The following JAKMIP3 variants were observed in gnomAD, a reference collection of about 807,000 sequenced individuals.
The protein encoded by JAKMIP3 is Janus kinase and microtubule interacting protein 3, also known as janus kinase and microtubule-interacting protein 3.
A neutral mutation model predicts 118.5 loss-of-function variants in JAKMIP3; 58 were observed. The ratio of observed to expected loss-of-function variants is 0.49; its 90% CI spans 0.40 to 0.61. The LOEUF (loss-of-function observed/expected upper bound fraction) is 0.61, where lower values mean the gene tolerates loss of function less well. JAKMIP3 is among the 20% of genes least tolerant of loss of function. The pLI, the probability that JAKMIP3 is intolerant of heterozygous loss-of-function variation, is 0.00. For synonymous variants in JAKMIP3, 486 were observed against 451.2 expected (o/e 1.08, Z -0.98); for missense variants, 950 against 1,109.0 (o/e 0.86, Z 2.04).
At chr10:132,171,468 A>C (rs1331919732) in intron 23 of JAKMIP3, among the ~76,000 whole-genome samples, 1 of 152,198 alleles carries the variant, frequency 6.6e-6, no homozygotes, top group African/African-American at 2.4e-5. Context: ...ATTTTTGCCC[A>C]GTAAATGAGA....
At chr10:132,075,919 G>C (rs1488334714) in intron 1 of JAKMIP3, among the ~76,000 whole-genome samples, 2 of 123,468 alleles carry the variant, frequency 1.6e-5, no homozygotes, top group African/African-American at 6.2e-5. Context: ...AGTTTTTGTA[G>C]TGTAGGTCTG....
chr10:132,180,738 C>CGT (rs1196753837), intron 23 of JAKMIP3, among the ~76,000 whole-genome samples: 84 of 7,462 alleles, frequency 0.011, 15 homozygotes, highest in Middle Eastern at 0.12. Flanking sequence ...TGCGTGTGTG[C>CGT]GTGCGTGCGC....
At position 132,135,125 on chromosome 10, in the gene JAKMIP3, CGCAAT is replaced by C; in HGVS notation, c.938_942del (p.Asn313IlefsTer8). 6.2e-7 allele frequency: 1 copy of C among 1,612,676 alleles called. No homozygotes were observed. Among genetic ancestry groups the C allele is most frequent in the South Asian group, 1.1e-5 (1 of 91,050 alleles). On this transcript the variant is annotated frameshift_variant, in exon 5 of 24. Transcript: ENST00000684848. Reference sequence around the variant, plus strand: ...TGCGATTATCCGCAAACTGGAGGACCGCAATGCATTGCTGTCGGAAGAGAGGAATG... The same window carrying C: ...TGCGATTATCCGCAAACTGGAGGACCGCATTGCTGTCGGAAGAGAGGAATG...
chr10:132,148,471 CCCGTCCT>C (rs1564963345), intron 14 of JAKMIP3, among the ~76,000 whole-genome samples: 4 of 95,972 alleles, frequency 4.2e-5, no homozygotes, highest in African/African-American at 6.4e-5. Flanking sequence ...CCTCCATCCG[CCCGTCCT>C]CCATCCACCC....
At chr10:132,174,343 G>T (rs1407013618) in intron 23 of JAKMIP3, among the ~76,000 whole-genome samples, 1 of 152,130 alleles carries the variant, frequency 6.6e-6, no homozygotes, top group African/African-American at 2.4e-5. Flanking sequence ...TTTACGTTCA[G>T]CAAAACCCAC....
chr10:132,162,609 C>T (rs2058466559), intron 19 of JAKMIP3, among the ~76,000 whole-genome samples: 1 of 152,204 alleles, frequency 6.6e-6, no homozygotes, highest in South Asian at 2.1e-4. Flanking sequence ...TCTGCTATCT[C>T]TGAAGATGTT....
At chr10:132,082,386 C>G (rs2041888773) in intron 1 of JAKMIP3, among the ~76,000 whole-genome samples, 1 of 152,070 alleles carries the variant, frequency 6.6e-6, no homozygotes, top group Non-Finnish European at 1.5e-5. Context: ...CCTCTTCCCA[C>G]CCTTTCCCCG....
chr10:132,058,230 T>C (rs2038297946), intron 1 of JAKMIP3, among the ~76,000 whole-genome samples: 1 of 151,454 alleles, frequency 6.6e-6, no homozygotes, highest in Non-Finnish European at 1.5e-5. Context: ...TTTCATCTGG[T>C]GATGGATTCA....
chr10:132,058,513 G>T (rs2038306923), intron 1 of JAKMIP3, among the ~76,000 whole-genome samples: 1 of 152,234 alleles, frequency 6.6e-6, no homozygotes, highest in Admixed American at 6.5e-5. Context: ...AACCCCATCT[G>T]CTGCGGAGCA....
In JAKMIP3 at chr10:132,119,485, C is replaced by T. The variant is rs72858949; in HGVS notation, c.633+1911C>T. On this transcript the variant is annotated intron_variant, in intron 3 of 23. Transcript: ENST00000684848. ...CTGTAGCAGCCCTTACTTCAAAAAC[C>T]GTCTCCCCCTTTCTCACAGCTCCTC... Among the ~76,000 whole-genome samples the T allele has an allele frequency of 6.3e-3, 954 of 152,206 alleles. 3 individuals are homozygous for T. The highest frequency in any genetic ancestry group is 0.011 in the Non-Finnish European group (746 of 68,008).
chr10:132,097,605 G>T (rs2044060496), intron 1 of JAKMIP3, among the ~76,000 whole-genome samples: 1 of 152,092 alleles, frequency 6.6e-6, no homozygotes, highest in South Asian at 2.1e-4. Flanking sequence ...GGACAGGAGT[G>T]TTCCCAACCT....
intron 1 of JAKMIP3, among the ~76,000 whole-genome samples, chr10:132,038,810 AC>A (rs1554908784): frequency 1.4e-5 from 2 of 139,024 alleles, no homozygotes; most frequent in Non-Finnish European, 3.1e-5. Context: ...AAAAAAAAAA[AC>A]CATCATAAAC....
At chr10:132,083,313 T>C (rs1589771783) in intron 1 of JAKMIP3, among the ~76,000 whole-genome samples, 1 of 152,234 alleles carries the variant, frequency 6.6e-6, no homozygotes, top group Non-Finnish European at 1.5e-5. Context: ...CATATGTTTG[T>C]TGGCCATTTG....
At chr10:132,070,439 C>T (rs1042046630) in intron 1 of JAKMIP3, among the ~76,000 whole-genome samples, 9 of 152,186 alleles carry the variant, frequency 5.9e-5, no homozygotes, top group South Asian at 4.1e-4. Flanking sequence ...TGAGCCACCG[C>T]GCCCGACCTG....
intron 13 of JAKMIP3, among the ~76,000 whole-genome samples, chr10:132,146,036 G>A (rs2054538457): frequency 6.6e-6 from 1 of 152,162 alleles, no homozygotes; most frequent in Non-Finnish European, 1.5e-5. Flanking sequence ...CTGAGCAAGT[G>A]CGTGTTTGAG....
chr10:132,152,967 A>T lies in JAKMIP3; in HGVS notation c.2017A>T (p.Asn673Tyr), dbSNP rs2056485563. The T allele has an allele frequency of 6.2e-7, 1 of 1,606,452 alleles. No homozygotes were observed. The highest frequency in any genetic ancestry group is 2.2e-5 in the East Asian group (1 of 44,714). ...CTGCTTTTGGGTGCAGAACCTGACC[A>T]ATGAGGAGCAGGTGGTTGTCATACA... ...LGDNAVSNLT[N>Y]EEQVVVIQAR... The change falls in exon 17 of 24, where the codon AAT becomes TAT. Residue 673 changes from asparagine to tyrosine, a missense_variant. Transcript: ENST00000684848.
intron 1 of JAKMIP3, among the ~76,000 whole-genome samples, chr10:132,100,129 C>T (rs980301431): frequency 2.6e-5 from 4 of 152,322 alleles, no homozygotes; most frequent in Middle Eastern, 3.4e-3. Flanking sequence ...CCAGACTCTG[C>T]CCAGTGGGTG....
chr10:132,180,628 TGTGTGC>T lies in JAKMIP3; in HGVS notation c.*1104-1725_*1104-1720del, dbSNP rs1304932989. On this transcript the variant is annotated intron_variant, in intron 23 of 23. Transcript: ENST00000684848. ...GCGTGTGTGTGTGCGTGTGTGTGCG[TGTGTGC>T]GTGCGTGTGTGCGTGTGCGTGTGCG... Among the ~76,000 whole-genome samples, 9 of 32,716 alleles carry T rather than the reference TGTGTGC, an allele frequency of 2.8e-4. 3 individuals carry two copies. The highest frequency in any genetic ancestry group is 1.6e-3 in the South Asian group (1 of 624). The allele number at this position is 32,716 out of a possible 152,430, so 21.5% of individuals were successfully genotyped here.
intron 1 of JAKMIP3, among the ~76,000 whole-genome samples, chr10:132,080,784 T>C (rs926009948): frequency 2.6e-5 from 4 of 151,944 alleles, no homozygotes; most frequent in Non-Finnish European, 4.4e-5. Flanking sequence ...CCTCCCAAAG[T>C]GCTGGGATTA....
Sources: allele counts gnomAD v4.1 joint callset (sites outside exome capture counted in the v4.1 genomes callset), GRCh38; gene constraint gnomAD v4.1.1; transcripts MANE v1.5; gene names NCBI Gene and HGNC (gene_info 2026-07-23, HGNC 2026-07-21).